The following SERPINB7 variants were observed in gnomAD, a reference collection of about 807,000 sequenced individuals.
SERPINB7 encodes the protein serpin family B member 7, also known as serpin B7.
In SERPINB7, 31 loss-of-function variants were observed where a neutral mutation model predicts 37.4. That is an observed-to-expected ratio of 0.83 (90% CI 0.62 to 1.12). The LOEUF (loss-of-function observed/expected upper bound fraction) is 1.12. Ranked by LOEUF, SERPINB7 falls within the 50% of genes most tolerant of loss-of-function variation. The pLI is 0.00. For missense variants in SERPINB7, 521 were observed against 455.3 expected, an observed-to-expected ratio of 1.14 and a Z score of -1.31; for synonymous variants, 163 against 166.1, an observed-to-expected ratio of 0.98 and a Z score of 0.14.
At position 63,798,614 on chromosome 18, in the gene SERPINB7, G is replaced by T. The variant is rs755184550; in HGVS notation, c.465G>T (p.Lys155Asn). 1.5e-5 allele frequency: 23 copies of T among 1,545,144 alleles called. No individual in the cohort carries two copies. The highest frequency in any genetic ancestry group is 2.0e-5 in the Non-Finnish European group (23 of 1,147,944). The change falls in exon 6 of 8, where the codon AAG (lysine) becomes AAT (asparagine). Residue 155 changes from lysine to asparagine, a missense_variant. Coordinates refer to ENST00000398019, the MANE Select transcript of SERPINB7 (RefSeq NM_003784.4). ...WVENETHGKI[K>N]NVIGEGGISS... The stretch of plus-strand genomic sequence containing the variant: ...TTTTTTTTTCAAAAGGCAAAATCAA[G>T]AACGTGATTGGTGAAGGTGGCATAA...
chr18:63,753,913 C>T (rs1474142806), intron 1 of SERPINB7, among the ~76,000 whole-genome samples: 1 of 152,198 alleles, frequency 6.6e-6, no homozygotes, highest in Non-Finnish European at 1.5e-5. Flanking sequence ...CTGTCTTCTA[C>T]AATGACTTAC....
intron 4 of SERPINB7, among the ~76,000 whole-genome samples, chr18:63,795,392 C>A (rs187380192): frequency 1.1e-3 from 160 of 151,966 alleles, no homozygotes; most frequent in Non-Finnish European, 1.8e-3. Flanking sequence ...GAAACCCCAT[C>A]TCTACTAAAA....
rs2049586127 is a variant in SERPINB7, at chr18:63,804,493, C to G, written c.1001C>G (p.Thr334Ser). The G allele has an allele frequency of 6.2e-7, 1 of 1,613,684 alleles. No homozygotes were observed. Residue 334 changes from threonine to serine, a missense_variant, in exon 8 of 8, where the codon ACC (threonine) becomes AGC (serine). Coordinates refer to ENST00000398019, the MANE Select transcript of SERPINB7 (RefSeq NM_003784.4). ...KSYIEVTEEG[T>S]EATAATGSNI... Reference sequence around the variant, plus strand: ...TACATAGAGGTCACTGAGGAGGGCACCGAGGCTACTGCTGCCACAGGAAGT... The same window carrying G: ...TACATAGAGGTCACTGAGGAGGGCAGCGAGGCTACTGCTGCCACAGGAAGT...
intron 7 of SERPINB7, among the ~76,000 whole-genome samples, chr18:63,803,933 C>T (rs1484977746): frequency 6.6e-6 from 1 of 152,212 alleles, no homozygotes. Context: ...CAGGTTCCTT[C>T]ACCTGTCTAT....
intron 2 of SERPINB7, among the ~76,000 whole-genome samples, chr18:63,790,163 GC>G (rs1226525337): frequency 1.3e-5 from 2 of 152,108 alleles, no homozygotes; most frequent in African/African-American, 4.8e-5. Flanking sequence ...AAAATATTAA[GC>G]TTTCCAGTTT....
intron 2 of SERPINB7, among the ~76,000 whole-genome samples, chr18:63,782,806 A>T (rs1442637695): frequency 6.6e-6 from 1 of 152,160 alleles, no homozygotes; most frequent in Non-Finnish European, 1.5e-5. Context: ...TGTGTTTCCC[A>T]GACCAGGATC....
At chr18:63,771,843 T>TA (rs1474145754), upstream of SERPINB7, among the ~76,000 whole-genome samples, 2 of 151,912 alleles carry the variant, frequency 1.3e-5, no homozygotes, top group Admixed American at 6.6e-5. Context: ...TTCTGACTTC[T>TA]AAGGATAAGT....
At chr18:63,785,880 CTT>C (rs1226141248) in intron 2 of SERPINB7, among the ~76,000 whole-genome samples, 1 of 110,700 alleles carries the variant, frequency 9.0e-6, no homozygotes, top group African/African-American at 3.4e-5. Flanking sequence ...CATTGAAATG[CTT>C]TATATATATA....
chr18:63,766,310 GAA>G (rs1211565145), intron 1 of SERPINB7, among the ~76,000 whole-genome samples: 1 of 152,086 alleles, frequency 6.6e-6, no homozygotes, highest in Admixed American at 6.5e-5. Flanking sequence ...TCCTTTAAAA[GAA>G]AAAGAGGGAG....
At chr18:63,791,306 T>C (rs182455925) in intron 2 of SERPINB7, among the ~76,000 whole-genome samples, 130 of 152,272 alleles carry the variant, frequency 8.5e-4, no homozygotes, top group African/African-American at 3.0e-3. Flanking sequence ...AAATAAATAT[T>C]TTTTAAAAAT....
chr18:63,772,526 A>T (rs1197406291), upstream of SERPINB7, among the ~76,000 whole-genome samples: 1 of 152,120 alleles, frequency 6.6e-6, no homozygotes, highest in African/African-American at 2.4e-5. Flanking sequence ...TTTTCATGAC[A>T]AATAATGACA....
chr18:63,802,642 T>C (rs1214167384), intron 7 of SERPINB7, among the ~76,000 whole-genome samples: 2 of 152,206 alleles, frequency 1.3e-5, no homozygotes. Flanking sequence ...ACTGAAAAGT[T>C]ACATACACTT....
At chr18:63,754,119 T>C (rs1292174825) in intron 1 of SERPINB7, among the ~76,000 whole-genome samples, 1 of 152,250 alleles carries the variant, frequency 6.6e-6, no homozygotes, top group Non-Finnish European at 1.5e-5. Context: ...TTAATGCTAA[T>C]ATATAAGCAT....
intron 1 of SERPINB7, among the ~76,000 whole-genome samples, chr18:63,777,205 ATAT>A (rs2049257241): frequency 6.6e-6 from 1 of 152,052 alleles, no homozygotes; most frequent in Non-Finnish European, 1.5e-5. Flanking sequence ...ACACACACAT[ATAT>A]ATATGTGTGT....
chr18:63,799,204 A>G (rs2049521252), intron 6 of SERPINB7, among the ~76,000 whole-genome samples: 2 of 152,226 alleles, frequency 1.3e-5, no homozygotes, highest in Admixed American at 6.5e-5. Flanking sequence ...ATTTCCAAGT[A>G]CAAGCCATAT....
At chr18:63,785,024 T>C (rs945087900) in intron 2 of SERPINB7, among the ~76,000 whole-genome samples, 1 of 152,210 alleles carries the variant, frequency 6.6e-6, no homozygotes, top group Non-Finnish European at 1.5e-5. Flanking sequence ...TGCTCTGTAC[T>C]CTTTACTGCC....
intron 1 of SERPINB7, among the ~76,000 whole-genome samples, chr18:63,763,222 T>A (rs570500744): frequency 6.6e-6 from 1 of 152,150 alleles, no homozygotes; most frequent in South Asian, 2.1e-4. Context: ...TTGTTGAAAA[T>A]TCTATATCTC....
At chr18:63,787,932 T>C (rs2049389349) in intron 2 of SERPINB7, among the ~76,000 whole-genome samples, 1 of 152,230 alleles carries the variant, frequency 6.6e-6, no homozygotes, top group South Asian at 2.1e-4. Context: ...GCCATCATAA[T>C]ATCATAGCGA....
intron 1 of SERPINB7, among the ~76,000 whole-genome samples, chr18:63,758,628 T>C (rs2049135176): frequency 6.6e-6 from 1 of 152,156 alleles, no homozygotes; most frequent in Non-Finnish European, 1.5e-5. Context: ...AAGAAAAGAA[T>C]TCTTTAGGCC....
Sources: gnomAD v4.1 joint callset for allele counts (sites outside exome capture counted in the v4.1 genomes callset) on GRCh38, gnomAD v4.1.1 for gene constraint, MANE v1.5 for transcripts, NCBI Gene and HGNC (gene_info 2026-07-23, HGNC 2026-07-21) for gene names.